Variants in LMTK2 observed in about 807,000 individuals in gnomAD.
LMTK2 encodes the protein lemur tail kinase 2.
In LMTK2, 37 loss-of-function variants were observed where a neutral mutation model predicts 127.5. That is an observed-to-expected ratio of 0.29 (90% CI 0.22 to 0.38). The LOEUF is 0.38. Ranked by LOEUF, LMTK2 falls within the 10% of genes least tolerant of loss-of-function variation. The pLI, the probability that LMTK2 is intolerant of heterozygous loss-of-function variation, is 1.00. For synonymous variants in LMTK2, 819 were observed against 810.1 expected (o/e 1.01, Z -0.19); for missense variants, 1,694 against 1,920.3 (o/e 0.88, Z 2.20).
chr7:98,185,753 A>C (rs1188749824), intron 8 of LMTK2, among the ~76,000 whole-genome samples: 5 of 147,642 alleles, frequency 3.4e-5, no homozygotes, highest in Non-Finnish European at 7.5e-5. Context: ...TTTTAAACGG[A>C]GTCTTGCTAT....
At chr7:98,146,002 A>T (rs1428906627) in intron 3 of LMTK2, among the ~76,000 whole-genome samples, 1 of 152,190 alleles carries the variant, frequency 6.6e-6, no homozygotes, top group Non-Finnish European at 1.5e-5. Context: ...TGAGGTAAGG[A>T]TCCACCTTAA....
intron 11 of LMTK2, among the ~76,000 whole-genome samples, chr7:98,198,554 A>T (rs951726132): frequency 6.6e-6 from 1 of 151,898 alleles, no homozygotes; most frequent in African/African-American, 2.4e-5. Flanking sequence ...CAGTAGTGCG[A>T]TCTCTGCTCA....
chr7:98,152,495 C>T (rs1372328415), intron 4 of LMTK2, among the ~76,000 whole-genome samples: 1 of 152,164 alleles, frequency 6.6e-6, no homozygotes, highest in African/African-American at 2.4e-5. Context: ...AGCCATTGTT[C>T]TTGGTGCTAG....
intron 1 of LMTK2, among the ~76,000 whole-genome samples, chr7:98,117,621 C>T (rs1796305361): frequency 1.3e-5 from 2 of 152,090 alleles, no homozygotes; most frequent in Admixed American, 1.3e-4. Flanking sequence ...GTCCTAGAAT[C>T]AGCCTTTTCT....
At position 98,107,078 on chromosome 7, in the gene LMTK2, CA is replaced by C. The variant is rs1796116427; in HGVS notation, c.-99del. 1.1e-6 allele frequency: 1 copy of C among 916,212 alleles called. No homozygotes were observed. Among genetic ancestry groups the C allele is most frequent in the South Asian group, 2.2e-5 (1 of 44,722 alleles). The allele number at this position is 916,212 out of a possible 1,614,324, so 56.8% of individuals were successfully genotyped here. On this transcript the variant is annotated 5_prime_UTR_variant, in exon 1 of 14. The change abolishes the stop of an existing upstream ORF in the 5' untranslated region. Coordinates refer to ENST00000297293, the MANE Select transcript of LMTK2 (RefSeq NM_014916.4). ...GCTCGGGAGCAACCGGCGCGGGTGCCACTGAGGCAGCGGAGGGAGGCAGGAT... is the reference window on the plus strand; with the variant it reads ...GCTCGGGAGCAACCGGCGCGGGTGCCCTGAGGCAGCGGAGGGAGGCAGGAT...
At chr7:98,114,764 C>T (rs943363181) in intron 1 of LMTK2, among the ~76,000 whole-genome samples, 1 of 152,156 alleles carries the variant, frequency 6.6e-6, no homozygotes, top group Non-Finnish European at 1.5e-5. Context: ...CAAAATATTC[C>T]ATGCAAATTC....
rs1475186726 is a variant in LMTK2, at chr7:98,194,784, C to T, written c.4107+212C>T. On this transcript the variant is annotated intron_variant, in intron 11 of 13. Transcript: ENST00000297293. This position sits in a 1 kb window ranked among gnomAD's most constrained non-coding sequence, Gnocchi z 5.4. ...TTCGTATTAAATTAAGAGAAAGAGA[C>T]CCGAATGCTCTTCCTGGGTCTTCTA... 6.6e-6 allele frequency among the ~76,000 whole-genome samples: 1 copy of T among 152,206 alleles called. No homozygotes were observed. Among genetic ancestry groups the T allele is most frequent in the East Asian group, 1.9e-4 (1 of 5,200 alleles).
In LMTK2 at chr7:98,161,823, G is replaced by A. The variant is rs149109138; in HGVS notation, c.657+2398G>A. Among the ~76,000 whole-genome samples, 4 of 152,118 alleles carry A rather than the reference G, an allele frequency of 2.6e-5. No individual in the cohort carries two copies. The East Asian group carries it at 5.8e-4, about 22-fold the overall frequency. ...AGGCAAGTCTGCTCGTCAGAGGCCC[G>A]CTATTCTGAGCTGTTTCATGTTGCC... On this transcript the variant is annotated intron_variant, in intron 6 of 13. Transcript: ENST00000297293.
intron 6 of LMTK2, among the ~76,000 whole-genome samples, chr7:98,168,170 G>C (rs1169721302): frequency 6.7e-6 from 1 of 150,082 alleles, no homozygotes; most frequent in East Asian, 1.9e-4. Context: ...GTGGAGGGCT[G>C]GGGAGGGGAG....
At position 98,191,672 on chromosome 7, in the gene LMTK2, G is replaced by A. The variant is rs561184833; in HGVS notation, c.1207G>A (p.Val403Met). Residue 403 changes from valine to methionine, a missense_variant, in exon 11 of 14, where the codon GTG becomes ATG. Transcript: ENST00000297293. ...AGAAAAGAGACCCGCGGCTGAAGAT[G>A]TGCACAGGCTGCTGACTTACCTGCG... ...SPEKRPAAED[V>M]HRLLTYLRLQ... The A allele has an allele frequency of 1.7e-5, 28 of 1,613,942 alleles. No individual in the cohort carries two copies. Among genetic ancestry groups the A allele is most frequent in the South Asian group, 4.4e-5 (4 of 91,074 alleles).
chr7:98,203,484 G>A, intron 11 of LMTK2, 90 bp from the exon 12 acceptor site: 1 of 1,468,948 alleles, frequency 6.8e-7, no homozygotes, highest in South Asian at 1.4e-5. Context: ...CAGTCGATGA[G>A]TCTGATGCGC....
rs1797833016 is a variant in LMTK2 at position 98,207,905 on chromosome 7, A to G, written c.*2413A>G. 1 of 150,994 alleles carries G rather than the reference A, an allele frequency of 6.6e-6. No homozygotes were observed. The highest frequency in any genetic ancestry group is 2.1e-4 in the South Asian group (1 of 4,774). The allele number at this position is 150,994 out of a possible 1,614,324, so 9.4% of individuals were successfully genotyped here. On this transcript the variant is annotated 3_prime_UTR_variant, in exon 14 of 14. Transcript: ENST00000297293. ...GGAGTTCAAGACCAGCCTGGGCAAC[A>G]TGGCGAAACCTCGTCTCTACTAAAA...
Position 98,192,099 on chromosome 7 carries a change from T to A in LMTK2, c.1634T>A (p.Leu545His). 1 of 1,559,058 alleles carries A rather than the reference T, an allele frequency of 6.4e-7. No homozygotes were observed. The highest frequency in any genetic ancestry group is 8.7e-7 in the Non-Finnish European group (1 of 1,154,924). Residue 545 changes from leucine to histidine, a missense_variant, in exon 11 of 14, where the codon CTT becomes CAT. Leu to His is a moderately conservative substitution (Grantham distance 99). Coordinates refer to ENST00000297293, the MANE Select transcript of LMTK2 (RefSeq NM_014916.4). ...GTTCCTGTTTTTGATGCCCACAACC[T>A]TTCTGTTGGAAGCGACTATTATATC... Reference protein sequence around the residue: ...GVVPVFDAHNLSVGSDYYIQL... With the variant: ...GVVPVFDAHNHSVGSDYYIQL...
At chr7:98,122,753 T>TC (rs1216761298) in intron 1 of LMTK2, among the ~76,000 whole-genome samples, 4 of 150,066 alleles carry the variant, frequency 2.7e-5, no homozygotes, top group Non-Finnish European at 5.9e-5. Flanking sequence ...TCTCACTCTG[T>TC]CCCCTAGGCT....
At chr7:98,203,902 AC>A in intron 12 of LMTK2, 41 bp from the exon 13 acceptor site, 1 of 1,608,304 alleles carries the variant, frequency 6.2e-7, no homozygotes, top group Admixed American at 1.7e-5. Flanking sequence ...CTCCCTCATC[AC>A]GCAGTGATAA....
chr7:98,152,782 C>T (rs974804367), intron 4 of LMTK2, among the ~76,000 whole-genome samples: 3 of 152,096 alleles, frequency 2.0e-5, no homozygotes, highest in African/African-American at 7.2e-5. Flanking sequence ...AAAAGGATCA[C>T]TCTGGAAGTC....
intron 6 of LMTK2, among the ~76,000 whole-genome samples, chr7:98,163,940 C>T (rs555178541): frequency 1.5e-4 from 23 of 152,318 alleles, no homozygotes; most frequent in African/African-American, 9.6e-5. Context: ...AGGTCAAGAG[C>T]GATTGAATGA....
intron 6 of LMTK2, among the ~76,000 whole-genome samples, chr7:98,170,800 A>G (rs1264512840): frequency 2.0e-5 from 3 of 152,174 alleles, no homozygotes; most frequent in Non-Finnish European, 4.4e-5. Flanking sequence ...AAATCATGAA[A>G]TAAAGACAGC....
Position 98,171,928 on chromosome 7 carries a change from C to T in LMTK2, c.791+254C>T, listed in dbSNP as rs1007187675. 6.6e-6 allele frequency among the ~76,000 whole-genome samples: 1 copy of T among 152,204 alleles called. No individual in the cohort carries two copies. Among genetic ancestry groups the T allele is most frequent in the Non-Finnish European group, 1.5e-5 (1 of 68,038 alleles). On this transcript the variant is annotated intron_variant, in intron 7 of 13. Coordinates refer to ENST00000297293, the MANE Select transcript of LMTK2 (RefSeq NM_014916.4). The surrounding 1 kb of genome is among the most constrained non-coding windows in gnomAD (Gnocchi z 5.1). ...TTTCAAAGAATGTGAATAGTTGTACCTGCCTCAGAGTTGGGAGTAAACAGT... is the reference window on the plus strand; with the variant it reads ...TTTCAAAGAATGTGAATAGTTGTACTTGCCTCAGAGTTGGGAGTAAACAGT...
Sources: allele counts gnomAD v4.1 joint callset (sites outside exome capture counted in the v4.1 genomes callset), GRCh38; gene constraint gnomAD v4.1.1; non-coding constraint Gnocchi (gnomAD v3.1); transcripts MANE v1.5; gene names NCBI Gene and HGNC (gene_info 2026-07-23, HGNC 2026-07-21).